The following ZNF609 variants were observed in gnomAD, a reference collection of about 807,000 sequenced individuals.
ZNF609 encodes the protein zinc finger protein 609.
A neutral mutation model predicts 109.5 loss-of-function variants in ZNF609; 11 were observed. The ratio of observed to expected loss-of-function variants is 0.10; its 90% CI spans 0.06 to 0.17. The LOEUF (loss-of-function observed/expected upper bound fraction) is 0.17. ZNF609 is among the 10% of genes least tolerant of loss of function. The pLI is 1.00. For synonymous variants in ZNF609, 646 were observed against 662.0 expected (o/e 0.98, Z 0.37); for missense variants, 1,559 against 1,772.4 (o/e 0.88, Z 2.16).
In ZNF609 at chr15:64,522,710, G is replaced by C. The variant is rs2058030072; in HGVS notation, c.747+22544G>C. Among the ~76,000 whole-genome samples the C allele has an allele frequency of 2.6e-5, 4 of 152,304 alleles. No individual in the cohort carries two copies. In the South Asian group the frequency reaches 8.3e-4, roughly 32 times the overall value. On this transcript the variant is annotated intron_variant, in intron 2 of 9. Coordinates refer to ENST00000326648, the MANE Select transcript of ZNF609 (RefSeq NM_015042.2). ...TTGGAAAGAGGTGTCTGTGATGTCA[G>C]TTAACATAATTTGCTTTCGTTGATG... is the stretch of plus-strand genomic sequence containing the variant.
chr15:64,680,270 C>T lies in ZNF609; in HGVS notation c.3855C>T (p.Ser1285=), dbSNP rs1388361269. The change falls in exon 7 of 10, where the codon AGC becomes AGT. Residue 1285 remains serine, a synonymous_variant. Transcript: ENST00000326648. ...AAGATGCTGACAAGGCACGAGCCAG[C>T]CCCAGTGTGACTTGTAAATCCAGCT... ...GGEDADKARA[S]PSVTCKSSSE... is the part of the protein sequence containing the mutation. The T allele has an allele frequency of 1.2e-6, 2 of 1,614,226 alleles. No homozygotes were observed. Among genetic ancestry groups the T allele is most frequent in the Non-Finnish European group, 1.7e-6 (2 of 1,180,044 alleles).
intron 1 of ZNF609, among the ~76,000 whole-genome samples, chr15:64,491,982 C>G (rs1238023416): frequency 3.3e-5 from 5 of 152,134 alleles, no homozygotes; most frequent in African/African-American, 1.2e-4. Flanking sequence ...TGGCTCATGC[C>G]TGTAATCCTA....
At chr15:64,571,869 G>A (rs779209249) in intron 2 of ZNF609, among the ~76,000 whole-genome samples, 6 of 152,106 alleles carry the variant, frequency 3.9e-5, no homozygotes, top group East Asian at 1.9e-4. Context: ...ACAAGATTTC[G>A]CCATGTTGGT....
rs1896707890 is a variant in ZNF609, at chr15:64,670,350, G to A, written c.978G>A (p.Met326Ile). Residue 326 changes from methionine (M) to isoleucine (I), a missense_variant, in exon 4 of 10, where the codon ATG becomes ATA. Met to Ile is a conservative substitution (Grantham distance 10, BLOSUM62 1). This residue lies in a region of ZNF609 where 38 missense variants were observed against 82.1 expected (regional missense o/e 0.46). Coordinates refer to ENST00000326648, the MANE Select transcript of ZNF609 (RefSeq NM_015042.2). ...GIVWQETEDG[M>I]LVVNVTWRNK... ...CTATGTGCTCTTATTTTCCAGGGAT[G>A]TTGGTGGTAAATGTAACGTGGAGGA... 2 of 1,613,762 alleles carry A rather than the reference G, an allele frequency of 1.2e-6. No homozygotes were observed. The highest frequency in any genetic ancestry group is 1.7e-5 in the Admixed American group (1 of 59,998).
chr15:64,473,770 T>C (rs995538321), intron 1 of ZNF609, among the ~76,000 whole-genome samples: 8 of 152,010 alleles, frequency 5.3e-5, no homozygotes, highest in African/African-American at 1.9e-4. Context: ...TACGCCCAGC[T>C]AATTTTTGTA....
At chr15:64,648,745 CAAAAA>C (rs1162012248) in intron 3 of ZNF609, among the ~76,000 whole-genome samples, 1 of 72,426 alleles carries the variant, frequency 1.4e-5, no homozygotes, top group Non-Finnish European at 2.8e-5. Context: ...CACCACATAC[CAAAAA>C]AAAAAAAAAA....
chr15:64,472,207 C>T (rs1210542943), intron 1 of ZNF609, among the ~76,000 whole-genome samples: 2 of 152,206 alleles, frequency 1.3e-5, no homozygotes, highest in Admixed American at 6.5e-5. Context: ...GCCACCACAC[C>T]CGGCCTATAA....
intron 2 of ZNF609, among the ~76,000 whole-genome samples, chr15:64,585,624 C>T (rs1895182871): frequency 6.6e-6 from 1 of 152,156 alleles, no homozygotes; most frequent in Non-Finnish European, 1.5e-5. Flanking sequence ...AATCTCTAGA[C>T]TAGTTTCCAG....
chr15:64,631,764 A>T, intron 3 of ZNF609: 2 of 200,504 alleles, frequency 1.0e-5, no homozygotes, highest in South Asian at 1.6e-4. Flanking sequence ...GGCTAGTCTC[A>T]AATTCCTGAC....
At chr15:64,613,370 ATGT>A (rs1483663606) in intron 2 of ZNF609, among the ~76,000 whole-genome samples, 1 of 152,212 alleles carries the variant, frequency 6.6e-6, no homozygotes, top group East Asian at 1.9e-4. Context: ...TTATAGTTAA[ATGT>A]TGTGTTGTTT....
intron 3 of ZNF609, among the ~76,000 whole-genome samples, chr15:64,643,533 G>T (rs563638021): frequency 1.3e-4 from 20 of 152,166 alleles, no homozygotes; most frequent in African/African-American, 4.8e-4. Context: ...ATCATTTAGT[G>T]GTGGTTAAAA....
intron 2 of ZNF609, among the ~76,000 whole-genome samples, chr15:64,543,874 C>T (rs895553353): frequency 2.0e-5 from 3 of 152,154 alleles, no homozygotes; most frequent in African/African-American, 7.2e-5. Context: ...ACAATATGAT[C>T]GAATTCTTTT....
intron 3 of ZNF609, among the ~76,000 whole-genome samples, chr15:64,664,847 G>C (rs1896625589): frequency 6.6e-6 from 1 of 152,146 alleles, no homozygotes; most frequent in Non-Finnish European, 1.5e-5. Flanking sequence ...AAAGGAAGAA[G>C]CCTGATTTAT....
At chr15:64,565,232 G>GTAT (rs60734525) in intron 2 of ZNF609, among the ~76,000 whole-genome samples, 10 of 138,736 alleles carry the variant, frequency 7.2e-5, no homozygotes, top group East Asian at 4.0e-4. Flanking sequence ...GCTAATTTTT[G>GTAT]TATTATTATT....
chr15:64,548,744 A>C (rs1183610586), intron 2 of ZNF609, among the ~76,000 whole-genome samples: 1 of 152,234 alleles, frequency 6.6e-6, no homozygotes, highest in South Asian at 2.1e-4. Flanking sequence ...CCTGGGCAAC[A>C]GAACAAGATC....
intron 2 of ZNF609, among the ~76,000 whole-genome samples, chr15:64,618,081 T>C (rs530927676): frequency 6.6e-6 from 1 of 150,632 alleles, no homozygotes; most frequent in African/African-American, 2.5e-5. Context: ...CCTGCTCTTA[T>C]ATTTTAGGTA....
chr15:64,657,793 G>C (rs1218520187), intron 3 of ZNF609, among the ~76,000 whole-genome samples: 2 of 152,178 alleles, frequency 1.3e-5, no homozygotes, highest in East Asian at 3.8e-4. Flanking sequence ...ACATTATTCA[G>C]AGATTTCAAA....
chr15:64,517,071 A>T (rs1893823294), intron 2 of ZNF609, among the ~76,000 whole-genome samples: 1 of 152,208 alleles, frequency 6.6e-6, no homozygotes, highest in Admixed American at 6.5e-5. Flanking sequence ...ATATAGCATT[A>T]GCTGATTTTA....
intron 2 of ZNF609, among the ~76,000 whole-genome samples, chr15:64,530,679 CAAT>C (rs1219934027): frequency 6.6e-6 from 1 of 152,116 alleles, no homozygotes; most frequent in Non-Finnish European, 1.5e-5. Context: ...TGGTAGATAA[CAAT>C]AAACAGTTGT....
Sources: allele counts gnomAD v4.1 joint callset (sites outside exome capture counted in the v4.1 genomes callset), GRCh38; gene constraint gnomAD v4.1.1; regional missense constraint gnomAD v4.1.1; transcripts MANE v1.5; gene names NCBI Gene and HGNC (gene_info 2026-07-23, HGNC 2026-07-21).